Variants in MESP1 observed in about 807,000 individuals in gnomAD.
MESP1 encodes the protein mesoderm posterior bHLH transcription factor 1, also known as mesoderm posterior protein 1.
A neutral mutation model predicts 15.2 loss-of-function variants in MESP1; 22 were observed. The ratio of observed to expected loss-of-function variants is 1.45; its 90% CI spans 1.04 to 2.07. The LOEUF (loss-of-function observed/expected upper bound fraction) is 2.07. Ranked by LOEUF, MESP1 falls within the 30% of genes most tolerant of loss-of-function variation. MESP1 has a pLI of 0.00. For missense variants in MESP1, 484 were observed against 411.9 expected (o/e 1.17, Z -1.51); for synonymous variants, 216 against 192.6 (o/e 1.12, Z -1.01).
chr15:89,737,544 GC>G, the MESP1 span: 2 of 1,613,776 alleles, frequency 1.2e-6, no homozygotes, highest in Non-Finnish European at 1.7e-6. Flanking sequence ...TCCAGTAGAA[GC>G]CCCCCTCACC....
chr15:89,749,976 G>A lies in MESP1; in HGVS notation c.*168C>T. On this transcript the variant is annotated 3_prime_UTR_variant, in exon 2 of 2. Transcript: ENST00000300057. ...CCCTATGGGTCCCTCCATGGAGGGA[G>A]GGGCTGAGAAGGGCCGCCGCGGTGG... 1 of 661,860 alleles carries A rather than the reference G, an allele frequency of 1.5e-6. No homozygotes were observed. Among genetic ancestry groups the A allele is most frequent in the South Asian group, 1.7e-5 (1 of 59,162 alleles). The allele number at this position is 661,860 out of a possible 1,614,324, so 41.0% of individuals were successfully genotyped here. A position where few individuals can be genotyped will look rare whatever the true frequency, so the allele number is the denominator to read the frequency against.
At position 89,749,992 on chromosome 15, in the gene MESP1, G is replaced by T; in HGVS notation, c.*152C>A. 1 of 734,818 alleles carries T rather than the reference G, an allele frequency of 1.4e-6. No homozygotes were observed. Among genetic ancestry groups the T allele is most frequent in the Non-Finnish European group, 2.4e-6 (1 of 420,470 alleles). 45.5% of individuals were successfully genotyped at this position (734,818 alleles called of 1,614,324 possible). A position where few individuals can be genotyped will look rare whatever the true frequency, so the allele number is the denominator to read the frequency against. ...ATGGAGGGAGGGGCTGAGAAGGGCC[G>T]CCGCGGTGGGGACGGCTCTCACCCG... On this transcript the variant is annotated 3_prime_UTR_variant, in exon 2 of 2. Transcript: ENST00000300057.
At chr15:89,733,175 G>C in the MESP1 span, 1 of 1,614,096 alleles carries the variant, frequency 6.2e-7, no homozygotes, top group African/African-American at 1.3e-5. Flanking sequence ...ATCTGGTGGA[G>C]GCTAGCGGGA....
downstream of MESP1, among the ~76,000 whole-genome samples, chr15:89,748,101 A>G (rs951156300): frequency 1.3e-5 from 2 of 152,250 alleles, no homozygotes; most frequent in Admixed American, 6.5e-5. Context: ...CTCTGCAGGG[A>G]AGGGGGCTAG....
the MESP1 span, among the ~76,000 whole-genome samples, chr15:89,739,121 A>T: frequency 3.3e-5 from 5 of 151,992 alleles, no homozygotes; most frequent in Non-Finnish European, 5.9e-5. Context: ...GCCTCAAAAA[A>T]AAAAAAAAAA....
the MESP1 span, among the ~76,000 whole-genome samples, chr15:89,732,459 A>G: frequency 1.3e-5 from 2 of 152,248 alleles, no homozygotes; most frequent in African/African-American, 4.8e-5. Flanking sequence ...GATAAACACC[A>G]CTAAAGACCC....
chr15:89,736,849 T>C, the MESP1 span, among the ~76,000 whole-genome samples: 1 of 149,768 alleles, frequency 6.7e-6, no homozygotes. Context: ...TGGAGTGCAG[T>C]GGTGCAATCT....
intron 1 of MESP1, 65 bp from the exon 2 acceptor site, chr15:89,750,292 C>G: frequency 6.3e-7 from 1 of 1,593,884 alleles, no homozygotes; most frequent in Non-Finnish European, 8.6e-7. Flanking sequence ...TGTCCGCGCT[C>G]GTGGGCTCCA....
In MESP1 at chr15:89,750,388, T is replaced by C. The variant is rs998436242; in HGVS notation, c.723+121A>G. ...GCTTCTTGGAGCCCTGGGCATACTA[T>C]GGTGGCCAGGTGGCCAGGCTGCCGG... On this transcript the variant is annotated intron_variant, in intron 1 of 1. Coordinates refer to ENST00000300057, the MANE Select transcript of MESP1 (RefSeq NM_018670.4). 6 of 1,458,070 alleles carry C rather than the reference T, an allele frequency of 4.1e-6. No individual in the cohort carries two copies. In the African/African-American group the frequency reaches 7.0e-5, roughly 17 times the overall value. 90.3% of individuals were successfully genotyped at this position (1,458,070 alleles called of 1,614,324 possible). A position where few individuals can be genotyped will look rare whatever the true frequency, so the allele number is the denominator to read the frequency against.
downstream of MESP1, among the ~76,000 whole-genome samples, chr15:89,746,993 C>CCA (rs1157406814): frequency 2.1e-5 from 3 of 143,462 alleles, no homozygotes; most frequent in African/African-American, 5.2e-5. Flanking sequence ...AGCCCCGCCG[C>CCA]CACACACACA....
At chr15:89,737,764 C>A in the MESP1 span, 4 of 1,612,590 alleles carry the variant, frequency 2.5e-6, no homozygotes, top group Non-Finnish European at 3.4e-6. Flanking sequence ...GCCCACTGAC[C>A]ATTTCCCTGA....
downstream of MESP1, among the ~76,000 whole-genome samples, chr15:89,745,289 C>T (rs1474413805): frequency 6.6e-6 from 1 of 152,112 alleles, no homozygotes; most frequent in Non-Finnish European, 1.5e-5. This position sits in a 1 kb window ranked among gnomAD's most constrained non-coding sequence, Gnocchi z 4.8. Flanking sequence ...CAGGTCCCAC[C>T]AGCGGGACGA....
the MESP1 span, chr15:89,735,644 A>G: frequency 7.4e-7 from 1 of 1,354,490 alleles, no homozygotes; most frequent in East Asian, 2.3e-5. Flanking sequence ...ATGCTTATTG[A>G]AGGCCTGTTA....
the MESP1 span, among the ~76,000 whole-genome samples, chr15:89,736,285 C>T: frequency 6.6e-6 from 1 of 152,166 alleles, no homozygotes; most frequent in Non-Finnish European, 1.5e-5. Context: ...CCTTACAGGG[C>T]CCACTTCAGG....
At chr15:89,748,718 G>A (rs959401810), downstream of MESP1, 6 of 152,222 alleles carry the variant, frequency 3.9e-5, no homozygotes, top group Admixed American at 2.0e-4. Flanking sequence ...TATAGAGACA[G>A]AGACTAGAAG....
At chr15:89,749,859 A>C, downstream of MESP1, 1 of 386,148 alleles carries the variant, frequency 2.6e-6, no homozygotes, top group Non-Finnish European at 4.9e-6. Flanking sequence ...ACGGGTAGGA[A>C]GAAGAAATTG....
downstream of MESP1, chr15:89,748,603 G>T (rs1162427903): frequency 6.6e-6 from 1 of 152,248 alleles, no homozygotes; most frequent in East Asian, 1.9e-4. Flanking sequence ...GACACAGGAG[G>T]CAGCATGATG....
Position 89,750,737 on chromosome 15 carries a change from C to A in MESP1, c.495G>T (p.Leu165=), listed in dbSNP as rs750710020. The A allele has an allele frequency of 2.2e-5, 32 of 1,429,998 alleles. No individual in the cohort carries two copies. The highest frequency in any genetic ancestry group is 2.9e-5 in the South Asian group (2 of 68,778). The allele number at this position is 1,429,998 out of a possible 1,614,324, so 88.6% of individuals were successfully genotyped here. A position where few individuals can be genotyped will look rare whatever the true frequency, so the allele number is the denominator to read the frequency against. Residue 165 remains leucine (L), a synonymous_variant, in exon 1 of 2, where the codon CTG becomes CTT. Transcript: ENST00000300057. The part of the protein sequence containing the change: ...GDAGSPRGCP[L]CPDDCPAQMQ... ...TCTGCGCGGGGCAGTCGTCGGGGCACAGCGGGCAGCCCCGAGGGGACCCCG... is the reference window on the plus strand; with the variant it reads ...TCTGCGCGGGGCAGTCGTCGGGGCAAAGCGGGCAGCCCCGAGGGGACCCCG...
At chr15:89,735,414 T>C in the MESP1 span, 1 of 1,445,426 alleles carries the variant, frequency 6.9e-7, no homozygotes, top group Non-Finnish European at 9.7e-7. Context: ...TTCTCCAGGA[T>C]ATATGCCTAG....
Sources: gnomAD v4.1 joint callset for allele counts (sites outside exome capture counted in the v4.1 genomes callset) on GRCh38, gnomAD v4.1.1 for gene constraint, Gnocchi (gnomAD v3.1) non-coding constraint, MANE v1.5 for transcripts, NCBI Gene and HGNC (gene_info 2026-07-23, HGNC 2026-07-21) for gene names.